SLC38A8: variants seen among roughly 807,000 people sequenced by gnomAD.
SLC38A8 encodes solute carrier family 38 member 8.
A neutral mutation model predicts 46.0 loss-of-function variants in SLC38A8; 65 were observed. The ratio of observed to expected loss-of-function variants is 1.41; its 90% CI spans 1.16 to 1.74. SLC38A8 has a LOEUF of 1.74. SLC38A8 is among the 40% of genes most tolerant of loss of function. The pLI is 0.00. For missense variants in SLC38A8, 998 were observed against 567.9 expected (o/e 1.76, Z -7.70); for synonymous variants, 447 against 243.7 (o/e 1.83, Z -7.77).
chr16:84,027,387 A>T (rs1234952451), intron 6 of SLC38A8, among the ~76,000 whole-genome samples: 1 of 136,914 alleles, frequency 7.3e-6, no homozygotes, highest in Non-Finnish European at 1.5e-5. Flanking sequence ...AAACAAACAA[A>T]CACACACTAG....
chr16:84,029,057 C>G (rs1366381018), intron 6 of SLC38A8, among the ~76,000 whole-genome samples: 1 of 152,150 alleles, frequency 6.6e-6, no homozygotes, highest in African/African-American at 2.4e-5. Context: ...CCTCAGGAGG[C>G]AGGATCTTTC....
chr16:84,033,176 A>G (rs2085264550), intron 4 of SLC38A8, 152 bp downstream of exon 4: 2 of 1,000,780 alleles, frequency 2.0e-6, no homozygotes, highest in African/African-American at 1.6e-5. Context: ...TGCATCATGC[A>G]TACATTTTAC....
chr16:84,038,089 T>C (rs1000725440), intron 2 of SLC38A8, among the ~76,000 whole-genome samples: 4 of 152,094 alleles, frequency 2.6e-5, no homozygotes, highest in Non-Finnish European at 5.9e-5. Flanking sequence ...GGCGGGAGGA[T>C]CACCTGAGGT....
Position 84,013,544 on chromosome 16 carries a change from C to T in SLC38A8, c.1163-492G>A, listed in dbSNP as rs370085353. Among the ~76,000 whole-genome samples the T allele has an allele frequency of 1.2e-3, 180 of 146,852 alleles. 4 individuals are homozygous for T. The South Asian group carries it at 0.037, about 30-fold the overall frequency. ...CTCCCGGGTTCAAGTCATTCTCGTG[C>T]CTCAGCCTCCCGAGTAGCTGGGACT... On this transcript the variant is annotated intron_variant, in intron 9 of 10. Transcript: ENST00000299709.
At chr16:84,031,828 C>T (rs1431366438) in intron 5 of SLC38A8, 39 bp downstream of exon 5, 1 of 1,581,232 alleles carries the variant, frequency 6.3e-7, no homozygotes, top group South Asian at 1.1e-5. Context: ...TGCCGTGCCT[C>T]CCCGCCGAGG....
At chr16:84,036,436 TC>T (rs1334005619) in intron 3 of SLC38A8, among the ~76,000 whole-genome samples, 5 of 152,262 alleles carry the variant, frequency 3.3e-5, no homozygotes, top group Non-Finnish European at 1.5e-5. Flanking sequence ...CATTTACTCA[TC>T]TGTGAAACGA....
chr16:84,024,578 C>T (rs12928777), intron 6 of SLC38A8, among the ~76,000 whole-genome samples: 130,051 of 151,936 alleles, frequency 0.86, 55,732 homozygotes, highest in African/African-American at 0.9. Flanking sequence ...GTCTGGAGTT[C>T]GAGACCAGCC....
chr16:84,019,854 C>T (rs972345625), intron 7 of SLC38A8, among the ~76,000 whole-genome samples: 4 of 152,274 alleles, frequency 2.6e-5, no homozygotes, highest in African/African-American at 9.6e-5. Context: ...CCCAGCAGAG[C>T]AGACACTCAA....
At chr16:84,019,817 G>C (rs1225259542) in intron 7 of SLC38A8, among the ~76,000 whole-genome samples, 1 of 152,242 alleles carries the variant, frequency 6.6e-6, no homozygotes, top group Non-Finnish European at 1.5e-5. Context: ...CAAAGGAAAG[G>C]AGTAAAGGCT....
At chr16:84,033,305 C>A (rs1487600767) in intron 4 of SLC38A8, 23 bp downstream of exon 4, 1 of 1,613,778 alleles carries the variant, frequency 6.2e-7, no homozygotes, top group Non-Finnish European at 8.5e-7. Flanking sequence ...GGGGCCCCCA[C>A]CAGGCAGCAT....
intron 10 of SLC38A8, 94 bp downstream of exon 10, chr16:84,012,907 G>A (rs1460420888): frequency 1.5e-6 from 2 of 1,367,386 alleles, no homozygotes; most frequent in African/African-American, 1.4e-5. Flanking sequence ...GCAGGATGCA[G>A]AGGATGAGAA....
At chr16:84,017,767 A>G (rs879903278) in intron 7 of SLC38A8, among the ~76,000 whole-genome samples, 2 of 152,286 alleles carry the variant, frequency 1.3e-5, no homozygotes, top group South Asian at 2.1e-4. Context: ...CTTTGCGCCA[A>G]CAGGGTGACA....
chr16:84,040,725 C>A lies in SLC38A8; in HGVS notation c.189+1244G>T, dbSNP rs140776548. 2.1e-3 allele frequency among the ~76,000 whole-genome samples: 314 copies of A among 152,338 alleles called. 1 individual carries two copies. The highest frequency in any genetic ancestry group is 3.8e-3 in the Non-Finnish European group (258 of 68,022). ...CCAGTGGGGCTCAGCGCAAAGGTCA[C>A]CTCCTCCGAGAGGCTTCCGACCACG... On this transcript the variant is annotated intron_variant, in intron 2 of 10. Transcript: ENST00000299709.
intron 2 of SLC38A8, 39 bp downstream of exon 2, chr16:84,041,930 C>T (rs1362406627): frequency 6.5e-7 from 1 of 1,528,438 alleles, no homozygotes; most frequent in Non-Finnish European, 8.8e-7. Context: ...CCAAAGCCAC[C>T]TCGTACCCGT....
At chr16:84,018,109 A>G (rs2085052467) in intron 7 of SLC38A8, among the ~76,000 whole-genome samples, 1 of 152,088 alleles carries the variant, frequency 6.6e-6, no homozygotes, top group Non-Finnish European at 1.5e-5. Context: ...GAAGGCTGAG[A>G]AGTCCAAGAT....
At position 84,013,932 on chromosome 16, in the gene SLC38A8, G is replaced by A. The variant is rs151316799; in HGVS notation, c.1163-880C>T. 7.4e-3 allele frequency among the ~76,000 whole-genome samples: 1,123 copies of A among 152,318 alleles called. 7 individuals carry two copies. Among genetic ancestry groups the A allele is most frequent in the Non-Finnish European group, 0.011 (780 of 68,022 alleles). ...CCAGACCAGGGAGTGTGAGGGAGGA[G>A]CCACGTGGCCACAGCCTCACCTCTG... On this transcript the variant is annotated intron_variant, in intron 9 of 10. Coordinates refer to ENST00000299709, the MANE Select transcript of SLC38A8 (RefSeq NM_001080442.3).
chr16:84,016,933 G>C (rs568558098), intron 8 of SLC38A8, among the ~76,000 whole-genome samples: 57 of 152,322 alleles, frequency 3.7e-4, no homozygotes, highest in Non-Finnish European at 6.8e-4. Flanking sequence ...TGAAGCACGT[G>C]GTTCGCATTC....
intron 3 of SLC38A8, among the ~76,000 whole-genome samples, chr16:84,036,014 C>G (rs1156770335): frequency 6.6e-6 from 1 of 152,226 alleles, no homozygotes; most frequent in Non-Finnish European, 1.5e-5. Flanking sequence ...ACAAAGTGTT[C>G]TCCAAGACAG....
At chr16:84,023,783 A>T (rs1400329548) in intron 6 of SLC38A8, among the ~76,000 whole-genome samples, 1 of 152,154 alleles carries the variant, frequency 6.6e-6, no homozygotes, top group Non-Finnish European at 1.5e-5. Context: ...AATCCCAGCT[A>T]CTCAGGAAGC....
Sources: allele counts gnomAD v4.1 joint callset (sites outside exome capture counted in the v4.1 genomes callset), GRCh38; gene constraint gnomAD v4.1.1; transcripts MANE v1.5; gene names NCBI Gene and HGNC (gene_info 2026-07-23, HGNC 2026-07-21).